The following LUZP2 variants were observed in gnomAD, a reference collection of about 807,000 sequenced individuals.
LUZP2 encodes the protein leucine zipper protein 2.
In LUZP2, 52 loss-of-function variants were observed where a neutral mutation model predicts 51.6. The ratio of observed to expected loss-of-function variants is 1.01; its 90% confidence interval spans 0.81 to 1.27. The LOEUF (loss-of-function observed/expected upper bound fraction) is 1.27. LUZP2 is among the 50% of genes most tolerant of loss of function. The probability of loss-of-function intolerance (pLI) is 0.00; values close to 1 mark genes in which losing one functional copy is unlikely to be tolerated. For missense variants in LUZP2, 436 were observed against 395.4 expected (o/e 1.10, Z -0.87); for synonymous variants, 154 against 137.3 (o/e 1.12, Z -0.85).
At position 24,979,120 on chromosome 11, in the gene LUZP2, G is replaced by A. The variant is rs371838351; in HGVS notation, c.597+2455G>A. 7.5e-4 allele frequency among the ~76,000 whole-genome samples: 114 copies of A among 151,800 alleles called. 4 individuals are homozygous for A. The South Asian group carries it at 0.023, about 30-fold the overall frequency. ...TATAATGGTGATGAGAAAATTACAC[G>A]TAGCCAAAAATTACAGTACTAGGTA... On this transcript the variant is annotated intron_variant, in intron 8 of 11. Transcript: ENST00000336930.
intron 5 of LUZP2, among the ~76,000 whole-genome samples, chr11:24,895,385 G>A (rs1469417259): frequency 6.6e-6 from 1 of 151,788 alleles, no homozygotes; most frequent in East Asian, 1.9e-4. Flanking sequence ...TCATCTTTTA[G>A]ATTCAGGGGG....
intron 5 of LUZP2, among the ~76,000 whole-genome samples, chr11:24,821,625 C>A (rs528949830): frequency 6.6e-6 from 1 of 152,200 alleles, no homozygotes; most frequent in Middle Eastern, 3.4e-3. Flanking sequence ...TAGCTGATTT[C>A]TGTCTTCTGT....
intron 1 of LUZP2, among the ~76,000 whole-genome samples, chr11:24,574,053 T>C (rs1373997354): frequency 1.3e-5 from 2 of 151,634 alleles, no homozygotes; most frequent in African/African-American, 4.8e-5. Context: ...TTTATTTTTC[T>C]TTCCTTCTCT....
At chr11:24,898,102 A>G (rs1376958972) in intron 5 of LUZP2, among the ~76,000 whole-genome samples, 2 of 152,182 alleles carry the variant, frequency 1.3e-5, no homozygotes, top group Non-Finnish European at 2.9e-5. Flanking sequence ...ACTGGAATGT[A>G]TTTTCAAAAT....
At chr11:24,761,951 G>A (rs1859996095) in intron 4 of LUZP2, among the ~76,000 whole-genome samples, 1 of 151,716 alleles carries the variant, frequency 6.6e-6, no homozygotes, top group Non-Finnish European at 1.5e-5. Flanking sequence ...GGGTGGGGGT[G>A]AAGAAAGGAA....
chr11:25,065,687 A>G (rs1410299977), intron 10 of LUZP2, among the ~76,000 whole-genome samples: 1 of 152,012 alleles, frequency 6.6e-6, no homozygotes, highest in Non-Finnish European at 1.5e-5. Flanking sequence ...AGGAAGAATT[A>G]AAAGAATGAA....
At chr11:24,786,817 C>T (rs1849262820) in intron 5 of LUZP2, 1 of 150,540 alleles carries the variant, frequency 6.6e-6, no homozygotes, top group Non-Finnish European at 1.5e-5. Flanking sequence ...AAACAATTGC[C>T]TATGTTTTCT....
intron 1 of LUZP2, among the ~76,000 whole-genome samples, chr11:24,630,409 C>T (rs1465059954): frequency 6.6e-6 from 1 of 151,968 alleles, no homozygotes; most frequent in African/African-American, 2.4e-5. Flanking sequence ...CTGCATAAAG[C>T]ATTCTAATTT....
At chr11:24,615,320 A>G (rs1025794061) in intron 1 of LUZP2, among the ~76,000 whole-genome samples, 3 of 151,880 alleles carry the variant, frequency 2.0e-5, no homozygotes, top group Admixed American at 2.0e-4. Context: ...TATGAATGCC[A>G]GTTCTTGATC....
At chr11:24,756,947 A>T (rs961841077) in intron 4 of LUZP2, among the ~76,000 whole-genome samples, 57 of 152,326 alleles carry the variant, frequency 3.7e-4, no homozygotes, top group African/African-American at 1.2e-3. Context: ...GGAGTGCCTT[A>T]CAGAACTCGA....
intron 7 of LUZP2, among the ~76,000 whole-genome samples, chr11:24,945,972 T>C (rs1233760098): frequency 1.3e-5 from 2 of 152,058 alleles, no homozygotes; most frequent in Non-Finnish European, 2.9e-5. Flanking sequence ...CACTGCCTGT[T>C]CCCCTTTTTC....
intron 1 of LUZP2, among the ~76,000 whole-genome samples, chr11:24,724,403 C>T (rs1416153972): frequency 6.6e-6 from 1 of 151,986 alleles, no homozygotes; most frequent in Admixed American, 6.6e-5. Context: ...AACCCTCTCT[C>T]TACTAAGAAT....
At chr11:24,903,117 A>G (rs191241521) in intron 5 of LUZP2, among the ~76,000 whole-genome samples, 1 of 152,294 alleles carries the variant, frequency 6.6e-6, no homozygotes, top group Non-Finnish European at 1.5e-5. Flanking sequence ...CATTTTGAAG[A>G]GTTTTATTTT....
chr11:24,511,029 C>T (rs1197000071), intron 1 of LUZP2, among the ~76,000 whole-genome samples: 1 of 152,146 alleles, frequency 6.6e-6, no homozygotes, highest in East Asian at 1.9e-4. Context: ...ATTTGCTAGT[C>T]TTAGTAGAGT....
intron 5 of LUZP2, among the ~76,000 whole-genome samples, chr11:24,791,275 T>C (rs1345516734): frequency 6.6e-6 from 1 of 152,220 alleles, no homozygotes; most frequent in Non-Finnish European, 1.5e-5. Context: ...TTGTTAATAT[T>C]AGTTGAATGA....
intron 1 of LUZP2, among the ~76,000 whole-genome samples, chr11:24,574,193 T>C (rs578104229): frequency 4.0e-4 from 58 of 146,788 alleles, no homozygotes; most frequent in African/African-American, 1.4e-3. Flanking sequence ...TTTCTTTCTT[T>C]CTTTCTCTTT....
At chr11:24,826,190 A>ATATATATATATATAT (rs1554916354) in intron 5 of LUZP2, among the ~76,000 whole-genome samples, 40 of 67,542 alleles carry the variant, frequency 5.9e-4, no homozygotes, top group African/African-American at 2.1e-3. Flanking sequence ...AAAAAAAAAA[A>ATATATATATATATAT]ATATATATAT....
chr11:24,941,145 G>A (rs1005238976), intron 7 of LUZP2, among the ~76,000 whole-genome samples: 1 of 152,142 alleles, frequency 6.6e-6, no homozygotes, highest in Admixed American at 6.5e-5. Flanking sequence ...TATCTGGAAA[G>A]TGTGGATGAA....
intron 8 of LUZP2, among the ~76,000 whole-genome samples, chr11:24,979,873 A>G (rs1490646632): frequency 6.6e-6 from 1 of 151,842 alleles, no homozygotes; most frequent in Admixed American, 6.6e-5. Context: ...CCAATGACTG[A>G]GTAATACAGA....
Sources: allele counts gnomAD v4.1 joint callset (sites outside exome capture counted in the v4.1 genomes callset), GRCh38; gene constraint gnomAD v4.1.1; transcripts MANE v1.5; gene names NCBI Gene and HGNC (gene_info 2026-07-23, HGNC 2026-07-21).